MTMR7: variants seen among roughly 807,000 people sequenced by gnomAD.
MTMR7 encodes phosphatidylinositol-3-phosphate phosphatase MTMR7.
Under a neutral mutation model 81.2 loss-of-function variants are expected in MTMR7, and 76 were observed. The observed-to-expected ratio is 0.94, with a 90% CI of 0.78 to 1.13. The LOEUF (loss-of-function observed/expected upper bound fraction) is 1.13. MTMR7 is among the 50% of genes most tolerant of loss of function. The pLI, the probability that MTMR7 is intolerant of heterozygous loss-of-function variation, is 0.00. For synonymous variants in MTMR7, 372 were observed against 289.8 expected (o/e 1.28, Z -2.88); for missense variants, 1,044 against 820.0 (o/e 1.27, Z -3.34).
chr8:17,330,265 T>G lies in MTMR7; in HGVS notation c.865+885A>C, dbSNP rs530085054. Among the ~76,000 whole-genome samples, 70 of 152,228 alleles carry G rather than the reference T, an allele frequency of 4.6e-4. 2 individuals are homozygous for G. The highest frequency in any genetic ancestry group is 1.2e-4 in the Non-Finnish European group (8 of 68,042). ...CAGCACCTTATTTGTCCCTCTTCAT[T>G]CCAGAGCCTGCATTTCCCATCAAGA... On this transcript the variant is annotated intron_variant, in intron 7 of 13. Coordinates refer to ENST00000180173, the MANE Select transcript of MTMR7 (RefSeq NM_004686.5).
intron 1 of MTMR7, among the ~76,000 whole-genome samples, chr8:17,382,705 G>A (rs1049613871): frequency 6.6e-6 from 1 of 152,130 alleles, no homozygotes; most frequent in African/African-American, 2.4e-5. Flanking sequence ...GAGACCTTGT[G>A]CAGAAACAAA....
At chr8:17,361,393 A>G in intron 3 of MTMR7, 119 bp from the exon 4 acceptor site, 1 of 1,055,150 alleles carries the variant, frequency 9.5e-7, no homozygotes, top group South Asian at 1.4e-5. Flanking sequence ...CCCCACCCCC[A>G]GCACACTCTT....
chr8:17,330,011 T>C (rs1199981220), intron 7 of MTMR7, among the ~76,000 whole-genome samples: 1 of 152,184 alleles, frequency 6.6e-6, no homozygotes, highest in African/African-American at 2.4e-5. Context: ...TAGAAAGTAT[T>C]GGCCTAATCC....
At chr8:17,407,284 A>G (rs946318128) in intron 1 of MTMR7, among the ~76,000 whole-genome samples, 2 of 152,276 alleles carry the variant, frequency 1.3e-5, no homozygotes, top group East Asian at 3.9e-4. Context: ...AAATACACTA[A>G]AAGAATGAAG....
intron 1 of MTMR7, among the ~76,000 whole-genome samples, chr8:17,382,123 G>A (rs553312431): frequency 6.6e-6 from 1 of 152,320 alleles, no homozygotes; most frequent in South Asian, 2.1e-4. Flanking sequence ...TCGGTAACCT[G>A]GATGGCCAAC....
At chr8:17,396,561 T>C (rs541096459) in intron 1 of MTMR7, among the ~76,000 whole-genome samples, 1 of 152,274 alleles carries the variant, frequency 6.6e-6, no homozygotes, top group Non-Finnish European at 1.5e-5. Context: ...AAATTGCCTA[T>C]CCCAGTGGTC....
At chr8:17,394,363 T>C (rs1054558262) in intron 1 of MTMR7, among the ~76,000 whole-genome samples, 1 of 152,180 alleles carries the variant, frequency 6.6e-6, no homozygotes, top group African/African-American at 2.4e-5. Flanking sequence ...TATTCAGCAA[T>C]AAAAAGTAAT....
rs770232456 is a variant in MTMR7 at position 17,311,531 on chromosome 8, G to A, written c.1081C>T (p.Arg361Trp). 9 of 1,614,132 alleles carry A rather than the reference G, an allele frequency of 5.6e-6. No homozygotes were observed. The highest frequency in any genetic ancestry group is 1.3e-5 in the African/African-American group (1 of 75,030). ...CTCACCATGAAGCCCTTCAGAGTCCGGTAGTGAGGGTCCAGCAGCAGGCTT... is the reference window on the plus strand; with the variant it reads ...CTCACCATGAAGCCCTTCAGAGTCCAGTAGTGAGGGTCCAGCAGCAGGCTT... ...VASLLLDPHYRTLKGFMVLIE... is the reference protein window; with the variant it reads ...VASLLLDPHYWTLKGFMVLIE... The change falls in exon 9 of 14, where the codon CGG (arginine) becomes TGG (tryptophan). Residue 361 changes from arginine (R) to tryptophan (W), a missense_variant. Physicochemically the swap from Arg to Trp is moderately radical, Grantham distance 101. Transcript: ENST00000180173.
At chr8:17,326,948 G>C (rs1027583305) in intron 7 of MTMR7, among the ~76,000 whole-genome samples, 2 of 152,170 alleles carry the variant, frequency 1.3e-5, no homozygotes, top group Non-Finnish European at 2.9e-5. Context: ...AGGGAAAAAG[G>C]GAATAACATC....
rs956180603 is a variant in MTMR7, at chr8:17,370,976, A to T, written c.310+61T>A. On this transcript the variant is annotated intron_variant, in intron 3 of 13. Coordinates refer to ENST00000180173, the MANE Select transcript of MTMR7 (RefSeq NM_004686.5). ...TTCCTAAGCACCATACAAATTCTTGAATCTGATTTGCAAATTTTTAAGAGA... is the reference window on the plus strand; with the variant it reads ...TTCCTAAGCACCATACAAATTCTTGTATCTGATTTGCAAATTTTTAAGAGA... 3.9e-6 allele frequency: 6 copies of T among 1,543,806 alleles called. No individual in the cohort carries two copies. In the African/African-American group the frequency reaches 8.2e-5, roughly 21 times the overall value.
intron 4 of MTMR7, among the ~76,000 whole-genome samples, chr8:17,357,730 A>G (rs1476844914): frequency 6.6e-6 from 1 of 152,186 alleles, no homozygotes; most frequent in Non-Finnish European, 1.5e-5. Context: ...TAGCAATGCC[A>G]AACTGCAGAC....
chr8:17,319,504 C>G (rs1365679635), intron 7 of MTMR7, among the ~76,000 whole-genome samples: 3 of 152,200 alleles, frequency 2.0e-5, no homozygotes, highest in African/African-American at 7.2e-5. Flanking sequence ...TTCTGAGAGA[C>G]AAACCTCGAG....
At chr8:17,323,016 C>T (rs7813450) in intron 7 of MTMR7, among the ~76,000 whole-genome samples, 19,091 of 141,502 alleles carry the variant, frequency 0.13, 1,412 homozygotes, top group African/African-American at 0.22. Context: ...GGTGTGATCT[C>T]GGCTCACTGT....
At chr8:17,315,651 CATG>C (rs1818026630) in intron 7 of MTMR7, among the ~76,000 whole-genome samples, 1 of 152,016 alleles carries the variant, frequency 6.6e-6, no homozygotes, top group Non-Finnish European at 1.5e-5. Context: ...TCTTTAAAAA[CATG>C]ATAATGTAAC....
chr8:17,341,487 C>T lies in MTMR7; in HGVS notation c.608G>A (p.Cys203Tyr). 1 of 1,613,704 alleles carries T rather than the reference C, an allele frequency of 6.2e-7. No homozygotes were observed. The highest frequency in any genetic ancestry group is 8.5e-7 in the Non-Finnish European group (1 of 1,180,002). The change falls in exon 6 of 14, where the codon TGC becomes TAC. Residue 203 changes from cysteine to tyrosine, a missense_variant. Physicochemically the swap from Cys to Tyr is radical, Grantham distance 194. Transcript: ENST00000180173. ...GCCGGACAGGGGCTGGCTGCTCCGGCAGATGGAGGCCTAGGGGGAGAGGTC... is the reference window on the plus strand; with the variant it reads ...GCCGGACAGGGGCTGGCTGCTCCGGTAGATGGAGGCCTAGGGGGAGAGGTC... The part of the protein sequence containing the change: ...YYYKDNHASI[C>Y]RSSQPLSGFS...
At chr8:17,401,496 C>A (rs972577910) in intron 1 of MTMR7, among the ~76,000 whole-genome samples, 2 of 151,756 alleles carry the variant, frequency 1.3e-5, no homozygotes, top group Non-Finnish European at 2.9e-5. Context: ...AGGAGACCCA[C>A]GAAAGAAGTC....
rs1012439770 is a variant in MTMR7 at position 17,304,489 on chromosome 8, A to G, written c.1383T>C (p.Ala461=). 5.6e-6 allele frequency: 9 copies of G among 1,613,910 alleles called. No individual in the cohort carries two copies. The Admixed American group carries it at 1.3e-4, about 24-fold the overall frequency. ...AGTCGGCCCGATTCTTCCACAGGTG[A>G]GCCCATAATGAGTATGTTCTTTCTT... ...KIQERTYSLW[A]HLWKNRADYL... is the part of the protein sequence containing the mutation. Residue 461 remains alanine (A), a synonymous_variant, in exon 12 of 14, where the codon GCT becomes GCC. Coordinates refer to ENST00000180173, the MANE Select transcript of MTMR7 (RefSeq NM_004686.5).
Position 17,297,568 on chromosome 8 carries a change from T to TATCA in MTMR7, c.*2290_*2293dup, listed in dbSNP as rs1320221842. The TATCA allele has an allele frequency of 1.3e-5, 2 of 152,122 alleles. No homozygotes were observed. Among genetic ancestry groups the TATCA allele is most frequent in the Non-Finnish European group, 1.5e-5 (1 of 67,956 alleles). The allele number at this position is 152,122 out of a possible 1,614,324, so 9.4% of individuals were successfully genotyped here. A position where few individuals can be genotyped will look rare whatever the true frequency, so the allele number is the denominator to read the frequency against. On this transcript the variant is annotated 3_prime_UTR_variant, in exon 14 of 14. Transcript: ENST00000180173. Reference sequence around the variant, plus strand: ...TCAAAATTCTTACCTATTTATTTCATATCAACTTTAAAAAATAAATTACTT... The same window carrying TATCA: ...TCAAAATTCTTACCTATTTATTTCATATCAATCAACTTTAAAAAATAAATTACTT...
At chr8:17,397,139 T>G (rs1487260573) in intron 1 of MTMR7, among the ~76,000 whole-genome samples, 1 of 151,394 alleles carries the variant, frequency 6.6e-6, no homozygotes, top group East Asian at 2.0e-4. Flanking sequence ...GCCCAGCACA[T>G]TTGCAGCTGT....
Sources: allele counts gnomAD v4.1 joint callset (sites outside exome capture counted in the v4.1 genomes callset), GRCh38; gene constraint gnomAD v4.1.1; transcripts MANE v1.5; gene names NCBI Gene and HGNC (gene_info 2026-07-23, HGNC 2026-07-21).